The following ANKS1B variants were observed in gnomAD, a reference collection of about 807,000 sequenced individuals.
ANKS1B encodes ankyrin repeat and sterile alpha motif domain containing 1B.
Under a neutral mutation model 148.3 loss-of-function variants are expected in ANKS1B, and 36 were observed. The ratio of observed to expected loss-of-function variants is 0.24; its 90% CI spans 0.19 to 0.32. The LOEUF is 0.32. Ranked by LOEUF, ANKS1B falls within the 10% of genes least tolerant of loss-of-function variation. The pLI, the probability that ANKS1B is intolerant of heterozygous loss-of-function variation, is 1.00. For missense variants in ANKS1B, 1,157 were observed against 1,542.6 expected (o/e 0.75, Z 4.19); for synonymous variants, 542 against 560.8 (o/e 0.97, Z 0.47).
intron 1 of ANKS1B, among the ~76,000 whole-genome samples, chr12:99,981,333 A>G (rs1295946800): frequency 6.6e-6 from 1 of 152,070 alleles, no homozygotes; most frequent in African/African-American, 2.4e-5. Context: ...AGTGCCACCC[A>G]AAAGCATACC....
intron 7 of ANKS1B, among the ~76,000 whole-genome samples, chr12:99,773,715 T>A: frequency 6.6e-6 from 1 of 152,122 alleles, no homozygotes; most frequent in East Asian, 1.9e-4. Context: ...GCCCAGCAGT[T>A]ACAATCCAGA....
chr12:99,812,055 C>G, intron 3 of ANKS1B, 100 bp downstream of exon 3: 1 of 1,389,678 alleles, frequency 7.2e-7, no homozygotes, highest in Non-Finnish European at 9.6e-7. Flanking sequence ...AATGGAAAGG[C>G]CTTTGGGCAA....
At chr12:99,139,661 T>C (rs2069882734) in intron 15 of ANKS1B, among the ~76,000 whole-genome samples, 1 of 151,366 alleles carries the variant, frequency 6.6e-6, no homozygotes, top group South Asian at 2.1e-4. Flanking sequence ...TTTATTAACA[T>C]TTGAATGTGA....
intron 14 of ANKS1B, among the ~76,000 whole-genome samples, chr12:99,234,722 G>T (rs1325404150): frequency 6.6e-6 from 1 of 151,408 alleles, no homozygotes; most frequent in Non-Finnish European, 1.5e-5. Flanking sequence ...TCAAGCAGCT[G>T]GTAAATAACA....
intron 9 of ANKS1B, among the ~76,000 whole-genome samples, chr12:99,528,426 C>CAAA (rs755022528): frequency 3.4e-5 from 4 of 117,038 alleles, no homozygotes; most frequent in East Asian, 2.9e-4. Flanking sequence ...AGAACAAAAA[C>CAAA]AAAAACAAAA....
intron 8 of ANKS1B, among the ~76,000 whole-genome samples, chr12:99,727,735 A>G (rs2058749564): frequency 6.6e-6 from 1 of 152,196 alleles, no homozygotes; most frequent in Non-Finnish European, 1.5e-5. Flanking sequence ...CCTGACTTCA[A>G]ACTATACTAC....
At chr12:99,377,122 C>T (rs937058134) in intron 12 of ANKS1B, among the ~76,000 whole-genome samples, 2 of 152,020 alleles carry the variant, frequency 1.3e-5, no homozygotes, top group Non-Finnish European at 2.9e-5. Context: ...ATTCTCCTGC[C>T]TCAGCCTCCC....
intron 15 of ANKS1B, among the ~76,000 whole-genome samples, chr12:99,138,501 G>A (rs927476170): frequency 6.6e-6 from 1 of 152,212 alleles, no homozygotes; most frequent in Non-Finnish European, 1.5e-5. Flanking sequence ...TCAGACAGCT[G>A]TTTCCATACT....
Position 99,801,063 on chromosome 12 carries a change from C to G in ANKS1B, c.669+5341G>C, listed in dbSNP as rs75219876. The stretch of plus-strand genomic sequence containing the variant: ...ATGCTCTTTGCCGTATGACTTTGTA[C>G]TTCTTTCCACTTATATGAGTTGAGT... On this transcript the variant is annotated intron_variant, in intron 4 of 26. Coordinates refer to ENST00000683438, the MANE Select transcript of ANKS1B (RefSeq NM_001352186.2). Among the ~76,000 whole-genome samples, 1,373 of 152,212 alleles carry G rather than the reference C, an allele frequency of 9.0e-3. 23 individuals are homozygous for G. Among genetic ancestry groups the G allele is most frequent in the African/African-American group, 0.031 (1,290 of 41,530 alleles).
chr12:99,923,876 G>A (rs1382351485), intron 1 of ANKS1B, among the ~76,000 whole-genome samples: 3 of 152,118 alleles, frequency 2.0e-5, no homozygotes, highest in Non-Finnish European at 4.4e-5. Flanking sequence ...CTAGGGTGAG[G>A]AGAGTGAGGC....
At chr12:99,371,281 T>C (rs564155285) in intron 12 of ANKS1B, among the ~76,000 whole-genome samples, 1 of 152,226 alleles carries the variant, frequency 6.6e-6, no homozygotes, top group South Asian at 2.1e-4. Flanking sequence ...TATATTTTAC[T>C]GTATGTTGTC....
intron 15 of ANKS1B, among the ~76,000 whole-genome samples, chr12:99,112,100 C>T (rs555416026): frequency 1.1e-3 from 167 of 152,174 alleles, no homozygotes; most frequent in Admixed American, 3.3e-3. Context: ...ATATAATCAT[C>T]CCCATTTTAT....
chr12:99,615,506 CA>C (rs2097948413), intron 9 of ANKS1B, among the ~76,000 whole-genome samples: 1 of 151,826 alleles, frequency 6.6e-6, no homozygotes, highest in Admixed American at 6.6e-5. Context: ...TCTGTCTTTA[CA>C]AATCCATCAC....
intron 12 of ANKS1B, among the ~76,000 whole-genome samples, chr12:99,257,007 G>A (rs1290489158): frequency 6.6e-6 from 1 of 152,076 alleles, no homozygotes; most frequent in Non-Finnish European, 1.5e-5. Flanking sequence ...CACTTTGGGA[G>A]GCTGAGACGG....
intron 12 of ANKS1B, among the ~76,000 whole-genome samples, chr12:99,386,067 C>A (rs2093847097): frequency 6.6e-6 from 1 of 152,096 alleles, no homozygotes; most frequent in South Asian, 2.1e-4. Flanking sequence ...TAAAATAGAA[C>A]CCAGACATCT....
intron 11 of ANKS1B, among the ~76,000 whole-genome samples, chr12:99,400,866 T>C (rs1315637145): frequency 6.9e-6 from 1 of 145,396 alleles, no homozygotes; most frequent in Non-Finnish European, 1.5e-5. Context: ...ACTCCATAGA[T>C]TATTTTCCTG....
chr12:99,314,895 G>A (rs558885575), intron 12 of ANKS1B, among the ~76,000 whole-genome samples: 17 of 152,096 alleles, frequency 1.1e-4, no homozygotes, highest in South Asian at 2.1e-4. Context: ...AAGCAATTGC[G>A]ACAAAAGCAA....
chr12:99,916,134 C>T (rs747986192), intron 1 of ANKS1B, among the ~76,000 whole-genome samples: 32 of 152,254 alleles, frequency 2.1e-4, no homozygotes, highest in African/African-American at 6.7e-4. Context: ...AACAGAAGAT[C>T]GATGTTCCTT....
chr12:99,127,297 A>G (rs1452005898), intron 15 of ANKS1B, among the ~76,000 whole-genome samples: 1 of 152,162 alleles, frequency 6.6e-6, no homozygotes. Flanking sequence ...CCTCCGTTTA[A>G]CAACATCCCT....
Sources: gnomAD v4.1 joint callset for allele counts (sites outside exome capture counted in the v4.1 genomes callset) on GRCh38, gnomAD v4.1.1 for gene constraint, MANE v1.5 for transcripts, NCBI Gene and HGNC (gene_info 2026-07-23, HGNC 2026-07-21) for gene names.